The following CELSR1 variants were observed in gnomAD, a reference collection of about 807,000 sequenced individuals.
CELSR1 encodes the protein adhesion G protein-coupled receptor C1.
A neutral mutation model predicts 249.1 loss-of-function variants in CELSR1; 110 were observed. The observed-to-expected ratio is 0.44, with a 90% CI of 0.38 to 0.52. The LOEUF (loss-of-function observed/expected upper bound fraction) is 0.52, where lower values mean the gene tolerates loss of function less well. CELSR1 is among the 20% of genes least tolerant of loss of function. The pLI, the probability that CELSR1 is intolerant of heterozygous loss-of-function variation, is 0.00. For missense variants in CELSR1, 4,109 were observed against 4,296.4 expected (o/e 0.96, Z 1.22); for synonymous variants, 2,113 against 1,900.0 (o/e 1.11, Z -2.92).
Position 46,506,597 on chromosome 22 carries a change from G to GACC in CELSR1, c.3544+27027_3544+27029dup, listed in dbSNP as rs1397255494. 6.6e-6 allele frequency among the ~76,000 whole-genome samples: 1 copy of GACC among 152,166 alleles called. No homozygotes were observed. The highest frequency in any genetic ancestry group is 1.5e-5 in the Non-Finnish European group (1 of 68,042). On this transcript the variant is annotated intron_variant, in intron 1 of 34. Coordinates refer to ENST00000674500, the MANE Select transcript of CELSR1 (RefSeq NM_001378328.1). This position sits in a 1 kb window ranked among gnomAD's most constrained non-coding sequence, Gnocchi z 4.1. ...TCCTGGAATTCTCACCCATTTCCAAGACCACTTCCTTAGGGTGATGTTTCT... is the reference window on the plus strand; with the variant it reads ...TCCTGGAATTCTCACCCATTTCCAAGACCACCACTTCCTTAGGGTGATGTTTCT...
At chr22:46,384,511 G>C in intron 20 of CELSR1, 32 bp downstream of exon 20, 1 of 1,560,514 alleles carries the variant, frequency 6.4e-7, no homozygotes. Context: ...TGGGGACTCC[G>C]AGGGCAGCAG....
chr22:46,384,418 A>G, intron 20 of CELSR1, 125 bp downstream of exon 20: 1 of 1,149,846 alleles, frequency 8.7e-7, no homozygotes, highest in Non-Finnish European at 1.2e-6. Flanking sequence ...CTGGCACCAG[A>G]GAGCACTCGG....
intron 2 of CELSR1, among the ~76,000 whole-genome samples, chr22:46,458,368 G>A (rs908144508): frequency 5.3e-5 from 8 of 152,212 alleles, no homozygotes; most frequent in Non-Finnish European, 1.2e-4. Context: ...TGGGCGCTCC[G>A]TGAAGAAGGG....
At chr22:46,425,142 G>A (rs77783529) in intron 5 of CELSR1, among the ~76,000 whole-genome samples, 6,174 of 152,274 alleles carry the variant, frequency 0.041, 143 homozygotes, top group Middle Eastern at 0.075. Context: ...ACCCAGTGAC[G>A]GCCATCTGGG....
Position 46,433,505 on chromosome 22 carries a change from G to C in CELSR1, c.4523-24C>G. On this transcript the variant is annotated intron_variant, in intron 4 of 34. Transcript: ENST00000674500. The surrounding 1 kb of genome is among the most constrained non-coding windows in gnomAD (Gnocchi z 5.7). ...GCCTGCATGGTGGGAGGGAGACCCAGAGAGAAAACAGGGGTTGGCGGGGCC... is the reference window on the plus strand; with the variant it reads ...GCCTGCATGGTGGGAGGGAGACCCACAGAGAAAACAGGGGTTGGCGGGGCC... The C allele has an allele frequency of 1.2e-6, 2 of 1,602,150 alleles. No homozygotes were observed. The highest frequency in any genetic ancestry group is 1.7e-6 in the Non-Finnish European group (2 of 1,171,112).
chr22:46,381,034 G>C lies in CELSR1; in HGVS notation c.7089-79C>G. The stretch of plus-strand genomic sequence containing the variant: ...TAAATCCCGCGCACAAATGCCCTGA[G>C]GACACGCCATGATGTGTTTCTAGGG... On this transcript the variant is annotated intron_variant, in intron 21 of 34. Coordinates refer to ENST00000674500, the MANE Select transcript of CELSR1 (RefSeq NM_001378328.1). The surrounding 1 kb of genome is among the most constrained non-coding windows in gnomAD (Gnocchi z 6.0). 1 of 1,436,144 alleles carries C rather than the reference G, an allele frequency of 7.0e-7. No homozygotes were observed. 89.0% of individuals were successfully genotyped at this position (1,436,144 alleles called of 1,614,324 possible).
chr22:46,429,135 C>T lies in CELSR1; in HGVS notation c.4611+4258G>A, dbSNP rs551957016. 3.2e-4 allele frequency among the ~76,000 whole-genome samples: 48 copies of T among 152,254 alleles called. No homozygotes were observed. Among genetic ancestry groups the T allele is most frequent in the African/African-American group, 1.0e-3 (42 of 41,540 alleles). On this transcript the variant is annotated intron_variant, in intron 5 of 34. Transcript: ENST00000674500. This position sits in a 1 kb window ranked among gnomAD's most constrained non-coding sequence, Gnocchi z 4.1. The stretch of plus-strand genomic sequence containing the variant: ...CCCCGAGGATCCCCATCCTTCCAGA[C>T]GGCCCCTCCCTAGCACTGTCTCCGT...
At chr22:46,514,181 A>G (rs1404484092) in intron 1 of CELSR1, among the ~76,000 whole-genome samples, 1 of 152,180 alleles carries the variant, frequency 6.6e-6, no homozygotes, top group Non-Finnish European at 1.5e-5. Context: ...TCCTGGGGTC[A>G]GAATCATCTG....
Position 46,413,415 on chromosome 22 carries a change from C to T in CELSR1, c.4612-1656G>A, listed in dbSNP as rs911224905. 3.3e-5 allele frequency among the ~76,000 whole-genome samples: 5 copies of T among 152,186 alleles called. No homozygotes were observed. Among genetic ancestry groups the T allele is most frequent in the Non-Finnish European group, 5.9e-5 (4 of 68,030 alleles). ...TATGTGGCCACCCCAGCTGAGGCTT[C>T]TCCTCCCTCTTATCCAATCATCTAA... On this transcript the variant is annotated intron_variant, in intron 5 of 34. Transcript: ENST00000674500. The surrounding 1 kb of genome is among the most constrained non-coding windows in gnomAD (Gnocchi z 4.7).
Position 46,402,298 on chromosome 22 carries a change from A to T in CELSR1, c.5227-2396T>A, listed in dbSNP as rs2079218154. ...ATGGCACAATCTCAGCTCACTGTAA[A>T]CTCCACCTCCCAGGTTCAAGTGATT... On this transcript the variant is annotated intron_variant, in intron 9 of 34. Transcript: ENST00000674500. This position sits in a 1 kb window ranked among gnomAD's most constrained non-coding sequence, Gnocchi z 5.0. Among the ~76,000 whole-genome samples, 1 of 150,728 alleles carries T rather than the reference A, an allele frequency of 6.6e-6. No homozygotes were observed. Among genetic ancestry groups the T allele is most frequent in the Non-Finnish European group, 1.5e-5 (1 of 67,640 alleles).
rs2079119949 is a variant in CELSR1, at chr22:46,393,805, AG to A, written c.5964+336del. Among the ~76,000 whole-genome samples the A allele has an allele frequency of 6.6e-6, 1 of 150,928 alleles. No homozygotes were observed. Among genetic ancestry groups the A allele is most frequent in the Admixed American group, 6.6e-5 (1 of 15,176 alleles). The stretch of plus-strand genomic sequence containing the variant: ...GCCAGGAGGGCCGGGGTGGTGCCAT[AG>A]ATGAGCCAGCCCTCAGAAACGGGTG... On this transcript the variant is annotated intron_variant, in intron 14 of 34. Transcript: ENST00000674500. This position sits in a 1 kb window ranked among gnomAD's most constrained non-coding sequence, Gnocchi z 4.1.
In CELSR1 at chr22:46,526,249, C is replaced by T. The variant is rs1426607033; in HGVS notation, c.3544+7378G>A. Among the ~76,000 whole-genome samples the T allele has an allele frequency of 2.6e-5, 4 of 152,224 alleles. No individual in the cohort carries two copies. Among genetic ancestry groups the T allele is most frequent in the Non-Finnish European group, 5.9e-5 (4 of 68,040 alleles). The stretch of plus-strand genomic sequence containing the variant: ...TGTCCTGGCAAACCCGTCTACGAAG[C>T]TTGGCCACAGTAGCCCTTTGGGAGA... On this transcript the variant is annotated intron_variant, in intron 1 of 34. Coordinates refer to ENST00000674500, the MANE Select transcript of CELSR1 (RefSeq NM_001378328.1). This position sits in a 1 kb window ranked among gnomAD's most constrained non-coding sequence, Gnocchi z 4.7.
rs1486345512 is a variant in CELSR1, at chr22:46,409,489, T to C, written c.5059+266A>G. Among the ~76,000 whole-genome samples, 1 of 152,114 alleles carries C rather than the reference T, an allele frequency of 6.6e-6. No individual in the cohort carries two copies. The highest frequency in any genetic ancestry group is 1.5e-5 in the Non-Finnish European group (1 of 67,996). ...GTTCAGGATCCCTGGGCTCCGTGGC[T>C]GGGGTGCTGGGGCTGGGCTCTGCCG... On this transcript the variant is annotated intron_variant, in intron 8 of 34. Transcript: ENST00000674500. The surrounding 1 kb of genome is among the most constrained non-coding windows in gnomAD (Gnocchi z 9.8).
chr22:46,369,284 G>GTCAGGTCGCGCCGAC (rs11273699), intron 26 of CELSR1, 26 bp from the exon 27 acceptor site: 1 of 1,609,104 alleles, frequency 6.2e-7, no homozygotes, highest in African/African-American at 1.3e-5. Flanking sequence ...GCCGATCAAT[G>GTCAGGTCGCGCCGAC]TCTTCTCTCT....
chr22:46,417,657 G>A lies in CELSR1; in HGVS notation c.4612-5898C>T, dbSNP rs532508072. 6.4e-4 allele frequency among the ~76,000 whole-genome samples: 97 copies of A among 152,342 alleles called. No individual in the cohort carries two copies. The highest frequency in any genetic ancestry group is 2.0e-3 in the African/African-American group (84 of 41,586). On this transcript the variant is annotated intron_variant, in intron 5 of 34. Coordinates refer to ENST00000674500, the MANE Select transcript of CELSR1 (RefSeq NM_001378328.1). The surrounding 1 kb of genome is among the most constrained non-coding windows in gnomAD (Gnocchi z 4.1). ...GCCCAACTCTGGCTGAGGGGGACAG[G>A]TGCTCCTGAATCCCTCACCTGCCAG...
rs549711682 is a variant in CELSR1 at position 46,391,979 on chromosome 22, C to A, written c.5965-163G>T. Reference sequence around the variant, plus strand: ...CCCTCTGCCCACATCCCACACCCAACGGGGGCTGCCTCCCAAGGCCCCACA... The same window carrying A: ...CCCTCTGCCCACATCCCACACCCAAAGGGGGCTGCCTCCCAAGGCCCCACA... On this transcript the variant is annotated intron_variant, in intron 14 of 34. Transcript: ENST00000674500. This position sits in a 1 kb window ranked among gnomAD's most constrained non-coding sequence, Gnocchi z 4.3. Among the ~76,000 whole-genome samples, 1 of 152,334 alleles carries A rather than the reference C, an allele frequency of 6.6e-6. No homozygotes were observed. Among genetic ancestry groups the A allele is most frequent in the African/African-American group, 2.4e-5 (1 of 41,576 alleles).
chr22:46,475,105 TTCC>T (rs1294581316), intron 1 of CELSR1, among the ~76,000 whole-genome samples: 2 of 152,194 alleles, frequency 1.3e-5, no homozygotes, highest in Non-Finnish European at 2.9e-5. Flanking sequence ...CTTAACATCC[TTCC>T]TCGTCTCCTA....
chr22:46,384,665 T>C lies in CELSR1; in HGVS notation c.6761A>G (p.Asp2254Gly). 1 of 1,613,074 alleles carries C rather than the reference T, an allele frequency of 6.2e-7. No homozygotes were observed. Among genetic ancestry groups the C allele is most frequent in the Non-Finnish European group, 8.5e-7 (1 of 1,179,578 alleles). The change falls in exon 20 of 35, where the codon GAC (aspartate) becomes GGC (glycine). Residue 2254 changes from aspartate (D) to glycine (G), a missense_variant. By Grantham distance (94) the Asp-to-Gly change is moderately conservative. This residue lies in a region of CELSR1 where 1,805 missense variants were observed against 1,831.6 expected (regional missense o/e 0.99). Transcript: ENST00000674500. The stretch of plus-strand genomic sequence containing the variant: ...CCTGGCTCCCGTAAAGTTGAACTTG[T>C]CAAAGATGTCGACAGCAAGAACTGG... Reference protein sequence around the residue: ...ANMILAVDIFDKFNFTGARVP... With the variant: ...ANMILAVDIFGKFNFTGARVP...
At position 46,408,993 on chromosome 22, in the gene CELSR1, C is replaced by G; in HGVS notation, c.5226+3G>C. ...TGCCTTGGTGGCACGGGGCCCCAGT[C>G]ACCTGGAGGCGAAAGCTGGTGGGCC... On this transcript the variant is annotated splice_donor_region_variant and intron_variant, in intron 9 of 34. Transcript: ENST00000674500. The surrounding 1 kb of genome is among the most constrained non-coding windows in gnomAD (Gnocchi z 4.6). 1 of 1,602,118 alleles carries G rather than the reference C, an allele frequency of 6.2e-7. No homozygotes were observed.
Sources: gnomAD v4.1 joint callset for allele counts (sites outside exome capture counted in the v4.1 genomes callset) on GRCh38, gnomAD v4.1.1 for gene constraint, gnomAD v4.1.1 regional missense constraint, Gnocchi (gnomAD v3.1) non-coding constraint, MANE v1.5 for transcripts, NCBI Gene and HGNC (gene_info 2026-07-23, HGNC 2026-07-21) for gene names.